Variants in HIF3A observed in about 807,000 individuals in gnomAD.
HIF3A encodes the protein hypoxia inducible factor 3 subunit alpha.
A neutral mutation model predicts 67.2 loss-of-function variants in HIF3A; 41 were observed. The observed-to-expected ratio is 0.61, with a 90% CI of 0.48 to 0.79. The LOEUF is 0.79. Ranked by LOEUF, HIF3A falls within the 30% of genes least tolerant of loss-of-function variation. HIF3A has a pLI of 0.00. For synonymous variants in HIF3A, 356 were observed against 374.8 expected (o/e 0.95, Z 0.58); for missense variants, 855 against 898.0 (o/e 0.95, Z 0.61).
chr19:46,307,439 C>CA (rs113544186), intron 3 of HIF3A, among the ~76,000 whole-genome samples: 9,800 of 151,556 alleles, frequency 0.065, 1,006 homozygotes, highest in African/African-American at 0.22. Flanking sequence ...CCCATTTCTA[C>CA]AAAAAAATTT....
At chr19:46,315,952 A>G (rs1455916475) in intron 8 of HIF3A, among the ~76,000 whole-genome samples, 1 of 143,698 alleles carries the variant, frequency 7.0e-6, no homozygotes, top group African/African-American at 2.6e-5. Context: ...CAGCCAGGAC[A>G]GGGTGCGGTG....
chr19:46,308,925 G>T (rs1039010265), intron 5 of HIF3A, 150 bp downstream of exon 5: 5 of 669,302 alleles, frequency 7.5e-6, no homozygotes, highest in Admixed American at 5.8e-5. Context: ...TCAGGGCATC[G>T]AGGAGCATGG....
intron 3 of HIF3A, 99 bp downstream of exon 3, chr19:46,305,489 C>A (rs183284559): frequency 3.5e-6 from 4 of 1,158,484 alleles, no homozygotes; most frequent in Non-Finnish European, 2.5e-6. Flanking sequence ...ATGGGACTCA[C>A]AATACAAAGG....
At position 46,307,959 on chromosome 19, in the gene HIF3A, TAGAC is replaced by T. The variant is rs750066520; in HGVS notation, c.364-222_364-219del. Among the ~76,000 whole-genome samples the T allele has an allele frequency of 7.7e-3, 818 of 105,860 alleles. 3 individuals carry two copies. Among genetic ancestry groups the T allele is most frequent in the African/African-American group, 0.012 (392 of 33,204 alleles). 69.4% of individuals were successfully genotyped at this position (105,860 alleles called of 152,430 possible). A position where few individuals can be genotyped will look rare whatever the true frequency, so the allele number is the denominator to read the frequency against. ...AAAAATAGATAGATAGACAGATAGG[TAGAC>T]AGACAGACAGACAGACAGACAGACA... On this transcript the variant is annotated intron_variant, in intron 3 of 14. Transcript: ENST00000377670.
At chr19:46,330,837 A>G (rs1250371625) in intron 12 of HIF3A, among the ~76,000 whole-genome samples, 1 of 147,834 alleles carries the variant, frequency 6.8e-6, no homozygotes, top group Non-Finnish European at 1.5e-5. Flanking sequence ...TGGTGGATGG[A>G]TGGCAGATGG....
At chr19:46,338,471 G>T in intron 14 of HIF3A, 1 of 1,119,970 alleles carries the variant, frequency 8.9e-7, no homozygotes, top group Non-Finnish European at 1.1e-6. Context: ...CCAAAGTGCT[G>T]GGATTACTGG....
intron 1 of HIF3A, among the ~76,000 whole-genome samples, chr19:46,299,605 A>C (rs1288740459): frequency 1.3e-5 from 2 of 150,876 alleles, no homozygotes; most frequent in Admixed American, 6.6e-5. Flanking sequence ...CCAGCTACTC[A>C]GGAGGCTGAG....
intron 10 of HIF3A, among the ~76,000 whole-genome samples, chr19:46,322,414 G>T (rs754595881): frequency 1.6e-4 from 25 of 152,166 alleles, no homozygotes; most frequent in Non-Finnish European, 2.8e-4. Context: ...CCAGTCACAA[G>T]TCTGGGCCTC....
At position 46,325,446 on chromosome 19, in the gene HIF3A, C is replaced by T. The variant is rs151267631; in HGVS notation, c.1336-89C>T. The T allele has an allele frequency of 1.1e-4, 94 of 885,480 alleles. 1 individual carries two copies. In the African/African-American group the frequency reaches 1.4e-3, roughly 14 times the overall value. The allele number at this position is 885,480 out of a possible 1,614,324, so 54.9% of individuals were successfully genotyped here. ...GCCCCAGATGCCTGGCATTTGATCC[C>T]CACTTCTACCCTTGAGCTGCAGACT... On this transcript the variant is annotated intron_variant, in intron 10 of 14. Coordinates refer to ENST00000377670, the MANE Select transcript of HIF3A (RefSeq NM_152795.4).
At chr19:46,307,039 C>G (rs1490676499) in intron 3 of HIF3A, among the ~76,000 whole-genome samples, 3 of 152,204 alleles carry the variant, frequency 2.0e-5, no homozygotes, top group African/African-American at 7.2e-5. Flanking sequence ...CTATTCCCCT[C>G]TTTCTAGAAT....
chr19:46,331,112 C>G, intron 12 of HIF3A, 44 bp from the exon 13 acceptor site: 1 of 1,502,518 alleles, frequency 6.7e-7, no homozygotes, highest in Non-Finnish European at 9.2e-7. Flanking sequence ...TCCACACTTG[C>G]CCAGGTTTGC....
In HIF3A at chr19:46,331,217, C is replaced by T; in HGVS notation, c.1774C>T (p.Pro592Ser). 1 of 1,614,070 alleles carries T rather than the reference C, an allele frequency of 6.2e-7. No homozygotes were observed. Among genetic ancestry groups the T allele is most frequent in the Non-Finnish European group, 8.5e-7 (1 of 1,179,986 alleles). Residue 592 changes from proline (P) to serine (S), a missense_variant, in exon 13 of 15, where the codon CCC (proline) becomes TCC (serine). Coordinates refer to ENST00000377670, the MANE Select transcript of HIF3A (RefSeq NM_152795.4). Reference sequence around the variant, plus strand: ...AGTGGAGCTGCTGGGAGTGAGACCTCCCAAAAGGTCCCCCAGCCCAGAACA... The same window carrying T: ...AGTGGAGCTGCTGGGAGTGAGACCTTCCAAAAGGTCCCCCAGCCCAGAACA... ...EGVELLGVRP[P>S]KRSPSPEHEN...
Position 46,308,293 on chromosome 19 carries a change from A to AC in HIF3A, c.442dup (p.Gln148ProfsTer64), listed in dbSNP as rs775130561. On this transcript the variant is annotated frameshift_variant, in exon 4 of 15. Coordinates refer to ENST00000377670, the MANE Select transcript of HIF3A (RefSeq NM_152795.4). LOFTEE classifies it high-confidence loss of function. ...CCAAGAGGAGCTTCAGGACGCCCTGACCCCCCAGCAGAGTGAGTTCCCTGG... is the reference window on the plus strand; with the variant it reads ...CCAAGAGGAGCTTCAGGACGCCCTGACCCCCCCAGCAGAGTGAGTTCCCTGG... 5.0e-6 allele frequency: 8 copies of AC among 1,610,632 alleles called. No individual in the cohort carries two copies. The African/African-American group carries it at 5.4e-5, about 11-fold the overall frequency.
chr19:46,334,094 CTTTTCTTTCTT>C (rs1971443953), intron 13 of HIF3A, among the ~76,000 whole-genome samples: 1 of 140,314 alleles, frequency 7.1e-6, no homozygotes, highest in South Asian at 2.3e-4. Flanking sequence ...CGCCCGGCCT[CTTTTCTTTCTT>C]TTTTGAGATG....
Position 46,297,191 on chromosome 19 carries a change from C to T in HIF3A, c.26+89C>T, listed in dbSNP as rs1967926404. On this transcript the variant is annotated intron_variant, in intron 1 of 14. Transcript: ENST00000377670. The surrounding 1 kb of genome is among the most constrained non-coding windows in gnomAD (Gnocchi z 4.5). ...CTGGATTGTTGGGGGGGGTGGGGTT[C>T]GCGGGTGCGAGCCAAGAACGCCCCG... The T allele has an allele frequency of 1.5e-6, 1 of 650,278 alleles. No individual in the cohort carries two copies. The highest frequency in any genetic ancestry group is 3.6e-5 in the East Asian group (1 of 27,998). 40.3% of individuals were successfully genotyped at this position (650,278 alleles called of 1,614,324 possible).
At chr19:46,328,205 T>G (rs549499449) in intron 11 of HIF3A, among the ~76,000 whole-genome samples, 1 of 152,324 alleles carries the variant, frequency 6.6e-6, no homozygotes, top group Admixed American at 6.5e-5. Context: ...GGGCTCACCA[T>G]GAGTCACCTG....
At position 46,338,197 on chromosome 19, in the gene HIF3A, A is replaced by G. The variant is rs1326871814; in HGVS notation, c.1913-1328A>G. The G allele has an allele frequency of 1.5e-5, 7 of 453,860 alleles. No individual in the cohort carries two copies. In the East Asian group the frequency reaches 2.1e-4, roughly 14 times the overall value. 28.1% of individuals were successfully genotyped at this position (453,860 alleles called of 1,614,324 possible). ...GACACAAAGTAGGTGCTCAGTAAAC[A>G]TGTTGGGTTTTTTGTTGTTTTTGAG... On this transcript the variant is annotated intron_variant, in intron 14 of 14. Transcript: ENST00000377670.
At chr19:46,317,918 A>C (rs2147209808) in intron 8 of HIF3A, among the ~76,000 whole-genome samples, 1 of 151,906 alleles carries the variant, frequency 6.6e-6, no homozygotes. Flanking sequence ...AGCTCACTGC[A>C]ATCTTAGCCT....
rs1437337232 is a variant in HIF3A, at chr19:46,342,293, G to T, written c.*2671G>T. On this transcript the variant is annotated 3_prime_UTR_variant, in exon 15 of 15. Coordinates refer to ENST00000377670, the MANE Select transcript of HIF3A (RefSeq NM_152795.4). The stretch of plus-strand genomic sequence containing the variant: ...TAGACTTTGCCTTATACATTTCTCT[G>T]GTTTTAGATCTTACCACCCTCAACT... 6.6e-6 allele frequency: 1 copy of T among 151,842 alleles called. No homozygotes were observed. Among genetic ancestry groups the T allele is most frequent in the Non-Finnish European group, 1.5e-5 (1 of 67,976 alleles). The allele number at this position is 151,842 out of a possible 1,614,324, so 9.4% of individuals were successfully genotyped here. A position where few individuals can be genotyped will look rare whatever the true frequency, so the allele number is the denominator to read the frequency against.
Sources: gnomAD v4.1 joint callset for allele counts (sites outside exome capture counted in the v4.1 genomes callset) on GRCh38, gnomAD v4.1.1 for gene constraint, Gnocchi (gnomAD v3.1) non-coding constraint, MANE v1.5 for transcripts, NCBI Gene and HGNC (gene_info 2026-07-23, HGNC 2026-07-21) for gene names.